The following NUFIP1 variants were observed in gnomAD, a reference collection of about 807,000 sequenced individuals.
NUFIP1 encodes the protein nuclear FMR1 interacting protein 1.
In NUFIP1, 38 loss-of-function variants were observed where a neutral mutation model predicts 56.2. The ratio of observed to expected loss-of-function variants is 0.68; its 90% CI spans 0.52 to 0.89. NUFIP1 has a LOEUF of 0.89. Among genes scored for constraint, NUFIP1 ranks in the 40% least tolerant of loss-of-function variants. The probability of loss-of-function intolerance (pLI) is 0.00; values close to 1 mark genes in which losing one functional copy is unlikely to be tolerated. For synonymous variants in NUFIP1, 215 were observed against 212.4 expected (o/e 1.01, Z -0.10); for missense variants, 567 against 605.8 (o/e 0.94, Z 0.67).
At chr13:44,951,072 T>C (rs937661701) in intron 7 of NUFIP1, among the ~76,000 whole-genome samples, 1 of 152,180 alleles carries the variant, frequency 6.6e-6, no homozygotes, top group Non-Finnish European at 1.5e-5. Flanking sequence ...CTCTCCTCAC[T>C]ACACACCATC....
chr13:44,985,163 C>A (rs1011223131), intron 1 of NUFIP1, among the ~76,000 whole-genome samples: 3 of 152,182 alleles, frequency 2.0e-5, no homozygotes, highest in Non-Finnish European at 4.4e-5. Context: ...TAGCTCCAGC[C>A]ACAAATCTCC....
intron 2 of NUFIP1, among the ~76,000 whole-genome samples, chr13:44,981,345 T>A (rs1337972934): frequency 1.3e-5 from 2 of 150,702 alleles, no homozygotes; most frequent in Admixed American, 6.6e-5. Context: ...AAAAAAAGTA[T>A]GTCAAGAAGG....
chr13:44,944,093 C>A (rs759575643), intron 8 of NUFIP1, among the ~76,000 whole-genome samples: 29 of 152,134 alleles, frequency 1.9e-4, no homozygotes, highest in Admixed American at 3.9e-4. Flanking sequence ...AATAAAATCT[C>A]TGACAACAAT....
rs144920171 is a variant in NUFIP1 at position 44,959,613 on chromosome 13, C to T, written c.828-39G>A. On this transcript the variant is annotated intron_variant, in intron 6 of 9. Transcript: ENST00000379161. ...ATTGCAATTTTTAATATAAAAGGCA[C>T]TGACCTTCCAAGAAAATTTTGAAAA... 4.0e-4 allele frequency: 613 copies of T among 1,547,930 alleles called. 2 individuals are homozygous for T. The East Asian group carries it at 8.3e-3, about 21-fold the overall frequency.
intron 3 of NUFIP1, 99 bp from the exon 4 acceptor site, chr13:44,980,051 A>T (rs535234082): frequency 2.4e-6 from 2 of 827,752 alleles, no homozygotes; most frequent in Admixed American, 2.8e-5. Context: ...GCTGTATTAC[A>T]TAGTTATCCC....
At chr13:44,949,934 C>G in intron 7 of NUFIP1, 96 bp from the exon 8 acceptor site, 1 of 798,532 alleles carries the variant, frequency 1.3e-6, no homozygotes, top group Non-Finnish European at 2.2e-6. Context: ...TAAGTAATTT[C>G]TGATCATTTC....
chr13:44,967,837 A>C (rs1396857529), intron 5 of NUFIP1, among the ~76,000 whole-genome samples: 1 of 152,176 alleles, frequency 6.6e-6, no homozygotes, highest in Admixed American at 6.5e-5. Flanking sequence ...GAGTATAAAA[A>C]ACATAGAAGG....
At chr13:44,980,687 G>C in intron 3 of NUFIP1, 35 bp downstream of exon 3, 3 of 1,323,834 alleles carry the variant, frequency 2.3e-6, no homozygotes, top group Non-Finnish European at 3.2e-6. Flanking sequence ...AAGCACAATT[G>C]CTACATCAGT....
intron 7 of NUFIP1, among the ~76,000 whole-genome samples, chr13:44,953,258 T>C (rs900068284): frequency 6.6e-6 from 1 of 152,160 alleles, no homozygotes; most frequent in East Asian, 1.9e-4. Context: ...ACCATGGTAA[T>C]TAATAATTAT....
At chr13:44,954,898 AC>A (rs1009352019) in intron 7 of NUFIP1, among the ~76,000 whole-genome samples, 1 of 152,198 alleles carries the variant, frequency 6.6e-6, no homozygotes, top group African/African-American at 2.4e-5. Flanking sequence ...AGTTAGACTT[AC>A]GTCCCAGTGT....
chr13:44,988,168 C>G (rs527979701), intron 1 of NUFIP1, among the ~76,000 whole-genome samples: 93 of 152,320 alleles, frequency 6.1e-4, no homozygotes, highest in Non-Finnish European at 1.2e-3. Context: ...GCCTGTAATC[C>G]CAACACTTTG....
At chr13:44,980,846 A>G (rs748474488) in intron 2 of NUFIP1, 26 bp from the exon 3 acceptor site, 2 of 1,456,444 alleles carry the variant, frequency 1.4e-6, no homozygotes, top group Non-Finnish European at 1.9e-6. Flanking sequence ...GAGAGGAATT[A>G]GGCTTTTGGT....
In NUFIP1 at chr13:44,947,815, T is replaced by C. The variant is rs12585325; in HGVS notation, c.1138+1907A>G. On this transcript the variant is annotated intron_variant, in intron 8 of 9. Coordinates refer to ENST00000379161, the MANE Select transcript of NUFIP1 (RefSeq NM_012345.3). ...AATATGTGTTTAAAGAATAACTCCA[T>C]CTTCACACCAATGTATGAGAAACAA... Among the ~76,000 whole-genome samples, 3 of 152,178 alleles carry C rather than the reference T, an allele frequency of 2.0e-5. No homozygotes were observed. The East Asian group carries it at 5.8e-4, about 29-fold the overall frequency.
At position 44,952,473 on chromosome 13, in the gene NUFIP1, T is replaced by C. The variant is rs142831702; in HGVS notation, c.1022-2635A>G. ...ATAATCAGAAAATAACAGAAAAAAA[T>C]AAAAACAAAGGGAAATTGACTCTGG... is the stretch of plus-strand genomic sequence containing the variant. On this transcript the variant is annotated intron_variant, in intron 7 of 9. Transcript: ENST00000379161. 2.9e-3 allele frequency among the ~76,000 whole-genome samples: 442 copies of C among 152,176 alleles called. 3 individuals carry two copies. In the South Asian group the frequency reaches 0.03, roughly 10 times the overall value.
At chr13:44,959,698 T>C in intron 6 of NUFIP1, 124 bp from the exon 7 acceptor site, 2 of 730,812 alleles carry the variant, frequency 2.7e-6, no homozygotes, top group Non-Finnish European at 2.2e-6. Context: ...CCTAGTACAT[T>C]AAAGAGACGA....
intron 3 of NUFIP1, among the ~76,000 whole-genome samples, chr13:44,980,231 T>A (rs1872139669): frequency 6.6e-6 from 1 of 152,250 alleles, no homozygotes; most frequent in African/African-American, 2.4e-5. Context: ...ATTCCTAAAG[T>A]TGAGGGGCAT....
At chr13:44,979,770 T>G in intron 4 of NUFIP1, 120 bp downstream of exon 4, 1 of 618,322 alleles carries the variant, frequency 1.6e-6, no homozygotes. Context: ...GATGTCAAAA[T>G]CCTTACAAAG....
chr13:44,968,653 T>C (rs185234808), intron 5 of NUFIP1, among the ~76,000 whole-genome samples: 112 of 152,276 alleles, frequency 7.4e-4, no homozygotes, highest in African/African-American at 2.6e-3. Flanking sequence ...TGGCGAGACA[T>C]GTAACTCACA....
intron 7 of NUFIP1, among the ~76,000 whole-genome samples, chr13:44,954,866 A>C (rs1215306362): frequency 6.6e-6 from 1 of 152,214 alleles, no homozygotes; most frequent in Non-Finnish European, 1.5e-5. Context: ...CCTTTAAAAC[A>C]ACCTAGGTTA....
Sources: allele counts gnomAD v4.1 joint callset (sites outside exome capture counted in the v4.1 genomes callset), GRCh38; gene constraint gnomAD v4.1.1; transcripts MANE v1.5; gene names NCBI Gene and HGNC (gene_info 2026-07-23, HGNC 2026-07-21).